FGF12: variants seen among roughly 807,000 people sequenced by gnomAD.
The protein encoded by FGF12 is fibroblast growth factor 12B.
FGF12 carries 14 observed loss-of-function variants against 23.6 expected under a neutral mutation model. That is an observed-to-expected ratio of 0.59 (90% CI 0.39 to 0.93). The LOEUF (loss-of-function observed/expected upper bound fraction) is 0.93, where lower values mean the gene tolerates loss of function less well. Ranked by LOEUF, FGF12 falls within the 40% of genes least tolerant of loss-of-function variation. The probability of loss-of-function intolerance (pLI) is 0.00; values close to 1 mark genes in which losing one functional copy is unlikely to be tolerated. For missense variants in FGF12, 175 were observed against 217.8 expected (o/e 0.80, Z 1.24); for synonymous variants, 62 against 77.3 (o/e 0.80, Z 1.04).
chr3:192,542,770 A>G (rs1316728276), intron 2 of FGF12, among the ~76,000 whole-genome samples: 4 of 152,126 alleles, frequency 2.6e-5, no homozygotes, highest in Non-Finnish European at 5.9e-5. Context: ...ACTTATAGAG[A>G]TACTTCTTGG....
intron 2 of FGF12, among the ~76,000 whole-genome samples, chr3:192,630,540 T>C (rs1310959193): frequency 1.5e-5 from 2 of 137,410 alleles, no homozygotes; most frequent in Non-Finnish European, 3.0e-5. Flanking sequence ...ACATTGTTGC[T>C]ATAAAAAAAT....
chr3:192,155,927 A>T (rs1430818691), intron 5 of FGF12, among the ~76,000 whole-genome samples: 2 of 152,172 alleles, frequency 1.3e-5, no homozygotes, highest in African/African-American at 4.8e-5. Flanking sequence ...AAAGATTCCT[A>T]GTCCCTTGAT....
At chr3:192,675,184 T>A (rs1362989171) in intron 2 of FGF12, among the ~76,000 whole-genome samples, 43 of 152,068 alleles carry the variant, frequency 2.8e-4, no homozygotes, top group Admixed American at 2.8e-3. Flanking sequence ...TGGCTAGACC[T>A]GGATGGTCCC....
At chr3:192,482,506 T>C (rs1468682576) in intron 2 of FGF12, among the ~76,000 whole-genome samples, 1 of 152,076 alleles carries the variant, frequency 6.6e-6, no homozygotes, top group Non-Finnish European at 1.5e-5. Flanking sequence ...TGGTGGTACA[T>C]GCCTGTAATC....
intron 2 of FGF12, among the ~76,000 whole-genome samples, chr3:192,660,897 CAA>C (rs910951108): frequency 9.0e-6 from 1 of 110,660 alleles, no homozygotes. Flanking sequence ...GGGGGTGGGG[CAA>C]AAAAAAAGCA....
chr3:192,545,323 G>A (rs1462251733), intron 2 of FGF12, among the ~76,000 whole-genome samples: 2 of 152,172 alleles, frequency 1.3e-5, no homozygotes, highest in African/African-American at 4.8e-5. Context: ...ATTCCAGGAG[G>A]CATTTACCAT....
intron 2 of FGF12, among the ~76,000 whole-genome samples, chr3:192,622,127 A>G (rs1714998669): frequency 6.6e-6 from 1 of 152,146 alleles, no homozygotes; most frequent in African/African-American, 2.4e-5. Flanking sequence ...TCTCTGTGCC[A>G]ACTGGTATGT....
intron 2 of FGF12, among the ~76,000 whole-genome samples, chr3:192,580,697 T>G (rs1012562644): frequency 1.3e-5 from 2 of 152,184 alleles, no homozygotes; most frequent in Admixed American, 1.3e-4. Context: ...AACCTCCGCC[T>G]CCCAGGTTCA....
chr3:192,397,796 T>C (rs1463762317), intron 2 of FGF12, among the ~76,000 whole-genome samples: 2 of 152,188 alleles, frequency 1.3e-5, no homozygotes, highest in East Asian at 3.8e-4. Flanking sequence ...AATTTGAATA[T>C]AGATCCCTAC....
chr3:192,664,263 G>A (rs1049307568), intron 2 of FGF12, among the ~76,000 whole-genome samples: 5 of 152,118 alleles, frequency 3.3e-5, no homozygotes, highest in Non-Finnish European at 5.9e-5. Context: ...GTGTGGATTA[G>A]ACAAGTAGTA....
chr3:192,444,395 CTTTG>C (rs1026939557), intron 2 of FGF12, among the ~76,000 whole-genome samples: 4 of 151,908 alleles, frequency 2.6e-5, no homozygotes, highest in African/African-American at 9.7e-5. Flanking sequence ...ACTCAGCCCT[CTTTG>C]TTTGTTCCTT....
At chr3:192,203,600 C>T (rs1717491729) in intron 4 of FGF12, among the ~76,000 whole-genome samples, 1 of 135,950 alleles carries the variant, frequency 7.4e-6, no homozygotes. Flanking sequence ...TAGGGTCTTA[C>T]TCTGACACCC....
chr3:192,327,814 C>G (rs1386556929), intron 4 of FGF12, among the ~76,000 whole-genome samples: 1 of 152,020 alleles, frequency 6.6e-6, no homozygotes, highest in Non-Finnish European at 1.5e-5. Context: ...ATCCTCTCAC[C>G]TCAGCCTCCT....
intron 2 of FGF12, among the ~76,000 whole-genome samples, chr3:192,615,878 G>A (rs113083259): frequency 0.023 from 3,453 of 151,978 alleles, 82 homozygotes; most frequent in African/African-American, 0.059. Context: ...CCATACTCAT[G>A]TATATGTTTA....
intron 4 of FGF12, among the ~76,000 whole-genome samples, chr3:192,298,199 G>A (rs1715149777): frequency 6.6e-6 from 1 of 152,132 alleles, no homozygotes; most frequent in African/African-American, 2.4e-5. Context: ...ATCATTTGTT[G>A]AGCTCTGCTA....
intron 5 of FGF12, among the ~76,000 whole-genome samples, chr3:192,158,333 TC>T (rs1177731328): frequency 0.034 from 682 of 20,136 alleles, 9 homozygotes; most frequent in African/African-American, 0.11. Context: ...TCTTTCTTTC[TC>T]TTTCTTTCTT....
intron 2 of FGF12, among the ~76,000 whole-genome samples, chr3:192,430,436 T>C (rs190738921): frequency 7.6e-4 from 115 of 152,294 alleles, no homozygotes; most frequent in Admixed American, 2.5e-3. Flanking sequence ...TGGAGATCCA[T>C]TGCACAGCGG....
chr3:192,139,782 A>G lies in FGF12; in HGVS notation c.*4227T>C, dbSNP rs570266769. 6.6e-6 allele frequency: 1 copy of G among 152,158 alleles called. No individual in the cohort carries two copies. The highest frequency in any genetic ancestry group is 2.1e-4 in the South Asian group (1 of 4,832). 9.4% of individuals were successfully genotyped at this position (152,158 alleles called of 1,614,324 possible). ...TTCTGAACATTATTAATTTTCACTT[A>G]ACTTAGATTTAAGTATTGAATTTTT... On this transcript the variant is annotated 3_prime_UTR_variant, in exon 6 of 6. Transcript: ENST00000445105.
At chr3:192,154,701 C>T (rs920065299) in intron 5 of FGF12, among the ~76,000 whole-genome samples, 1 of 140,964 alleles carries the variant, frequency 7.1e-6, no homozygotes. Flanking sequence ...GCTGGGAGAA[C>T]CACTGCTCTC....
Sources: gnomAD v4.1 joint callset for allele counts (sites outside exome capture counted in the v4.1 genomes callset) on GRCh38, gnomAD v4.1.1 for gene constraint, MANE v1.5 for transcripts, NCBI Gene and HGNC (gene_info 2026-07-23, HGNC 2026-07-21) for gene names.